GALNT17: variants seen among roughly 807,000 people sequenced by gnomAD.
GALNT17 encodes UDP-GalNAc:polypeptide N-acetylgalactosaminyltransferase-like 3.
Under a neutral mutation model 63.7 loss-of-function variants are expected in GALNT17, and 29 were observed. That is an observed-to-expected ratio of 0.46 (90% CI 0.34 to 0.62). The LOEUF (loss-of-function observed/expected upper bound fraction) is 0.62, where lower values mean the gene tolerates loss of function less well. Among genes scored for constraint, GALNT17 ranks in the 20% least tolerant of loss-of-function variants. The pLI, the probability that GALNT17 is intolerant of heterozygous loss-of-function variation, is 0.01. For missense variants in GALNT17, 603 were observed against 799.6 expected (o/e 0.75, Z 2.97); for synonymous variants, 305 against 318.3 (o/e 0.96, Z 0.45).
intron 5 of GALNT17, among the ~76,000 whole-genome samples, chr7:71,536,283 G>A (rs527907924): frequency 6.6e-6 from 1 of 152,262 alleles, no homozygotes; most frequent in East Asian, 1.9e-4. Context: ...TCCAGGCACA[G>A]CCAAGGCAGC....
At chr7:71,701,394 G>A (rs1791628663) in intron 9 of GALNT17, among the ~76,000 whole-genome samples, 1 of 151,938 alleles carries the variant, frequency 6.6e-6, no homozygotes, top group Admixed American at 6.6e-5. Context: ...GGCTAAGGCA[G>A]GAGAATCACT....
intron 2 of GALNT17, among the ~76,000 whole-genome samples, chr7:71,379,253 G>A (rs1379807563): frequency 6.6e-6 from 1 of 152,130 alleles, no homozygotes. Flanking sequence ...TCAGTTCTAG[G>A]AAATAACAAA....
At chr7:71,565,381 G>A (rs1584054353) in intron 5 of GALNT17, among the ~76,000 whole-genome samples, 1 of 152,070 alleles carries the variant, frequency 6.6e-6, no homozygotes, top group East Asian at 1.9e-4. Context: ...GTGATGTGAT[G>A]AGCTTCTGAT....
At chr7:71,524,395 T>C (rs1265832865) in intron 5 of GALNT17, among the ~76,000 whole-genome samples, 2 of 151,724 alleles carry the variant, frequency 1.3e-5, no homozygotes, top group African/African-American at 2.4e-5. Flanking sequence ...ATTTTTTGTG[T>C]GTGTCTGTTT....
At chr7:71,422,329 G>A (rs1200446304) in intron 5 of GALNT17, among the ~76,000 whole-genome samples, 1 of 152,220 alleles carries the variant, frequency 6.6e-6, no homozygotes, top group African/African-American at 2.4e-5. Flanking sequence ...CACTTATAAA[G>A]GCTTTTGTGA....
chr7:71,616,942 G>GAATATATAATTCTTATAA (rs1790218894), intron 6 of GALNT17, among the ~76,000 whole-genome samples: 5 of 9,468 alleles, frequency 5.3e-4, no homozygotes, highest in South Asian at 6.8e-3. Flanking sequence ...TATATCATAT[G>GAATATATAATTCTTATAA]GTTAATAATT....
chr7:71,611,856 A>G (rs540060945), intron 6 of GALNT17, among the ~76,000 whole-genome samples: 1 of 152,140 alleles, frequency 6.6e-6, no homozygotes, highest in Admixed American at 6.5e-5. Context: ...GACCTCAAGC[A>G]GAGAGAGAAA....
chr7:71,582,646 A>G (rs898191909), intron 6 of GALNT17, among the ~76,000 whole-genome samples: 1 of 152,192 alleles, frequency 6.6e-6, no homozygotes, highest in East Asian at 1.9e-4. Flanking sequence ...ATAAAAAGGA[A>G]TGAATTAATG....
intron 1 of GALNT17, among the ~76,000 whole-genome samples, chr7:71,258,519 CAT>C (rs140778789): frequency 0.035 from 5,396 of 152,288 alleles, 109 homozygotes; most frequent in South Asian, 0.06. Flanking sequence ...GTAAATGAGA[CAT>C]GTGTCCATCC....
At chr7:71,329,501 A>G (rs549175232) in intron 1 of GALNT17, among the ~76,000 whole-genome samples, 2 of 152,082 alleles carry the variant, frequency 1.3e-5, no homozygotes, top group Non-Finnish European at 2.9e-5. Context: ...ATTAAAAACT[A>G]CCCGAGACTG....
At chr7:71,679,910 CTCCT>C (rs199835315) in intron 9 of GALNT17, among the ~76,000 whole-genome samples, 23 of 69,984 alleles carry the variant, frequency 3.3e-4, no homozygotes, top group South Asian at 6.6e-4. Flanking sequence ...CCCTCCCTCC[CTCCT>C]TCTCTCCCTT....
At chr7:71,488,357 T>G (rs920485633) in intron 5 of GALNT17, among the ~76,000 whole-genome samples, 1 of 151,944 alleles carries the variant, frequency 6.6e-6, no homozygotes, top group Non-Finnish European at 1.5e-5. Flanking sequence ...TACAGCGTAG[T>G]CCTTCCAGTC....
At chr7:71,516,278 C>A (rs1012440412) in intron 5 of GALNT17, among the ~76,000 whole-genome samples, 9 of 152,116 alleles carry the variant, frequency 5.9e-5, no homozygotes, top group Non-Finnish European at 1.5e-5. Flanking sequence ...ATTCACTTTC[C>A]AAGCTTAACT....
chr7:71,592,598 A>G (rs1010067122), intron 6 of GALNT17, among the ~76,000 whole-genome samples: 1 of 150,990 alleles, frequency 6.6e-6, no homozygotes, highest in Non-Finnish European at 1.5e-5. Context: ...ATAAAATAAA[A>G]TAAAATAAAT....
chr7:71,601,937 T>G (rs1271902657), intron 6 of GALNT17, among the ~76,000 whole-genome samples: 1 of 152,216 alleles, frequency 6.6e-6, no homozygotes, highest in Non-Finnish European at 1.5e-5. Flanking sequence ...CTGGTGCCTT[T>G]GTGCGGATCT....
chr7:71,433,076 A>G (rs1786897923), intron 5 of GALNT17, among the ~76,000 whole-genome samples: 1 of 152,164 alleles, frequency 6.6e-6, no homozygotes, highest in African/African-American at 2.4e-5. Context: ...AAGTGCTGGG[A>G]TTACAGGAGT....
intron 9 of GALNT17, among the ~76,000 whole-genome samples, chr7:71,701,445 C>G (rs1791629503): frequency 6.6e-6 from 1 of 151,668 alleles, no homozygotes; most frequent in South Asian, 2.1e-4. Flanking sequence ...CAAGATCACG[C>G]CATTGTACTC....
At chr7:71,474,075 A>T (rs1052125021) in intron 5 of GALNT17, among the ~76,000 whole-genome samples, 2 of 152,178 alleles carry the variant, frequency 1.3e-5, no homozygotes, top group Non-Finnish European at 2.9e-5. Context: ...GGGGTGGGCA[A>T]TTCCTGGAAC....
chr7:71,334,696 C>T (rs1332481050), intron 1 of GALNT17, among the ~76,000 whole-genome samples: 1 of 152,202 alleles, frequency 6.6e-6, no homozygotes, highest in Non-Finnish European at 1.5e-5. Context: ...TTACAGAGGC[C>T]TCCAAGTCTA....
Sources: allele counts gnomAD v4.1 joint callset (sites outside exome capture counted in the v4.1 genomes callset), GRCh38; gene constraint gnomAD v4.1.1; transcripts MANE v1.5; gene names NCBI Gene and HGNC (gene_info 2026-07-23, HGNC 2026-07-21).